Variants in CAMK1D observed in about 807,000 individuals in gnomAD.
CAMK1D encodes calcium/calmodulin-dependent protein kinase type 1D.
Under a neutral mutation model 47.7 loss-of-function variants are expected in CAMK1D, and 9 were observed. The observed-to-expected ratio is 0.19, with a 90% CI of 0.11 to 0.33. The LOEUF (loss-of-function observed/expected upper bound fraction) is 0.33. Ranked by LOEUF, CAMK1D falls within the 10% of genes least tolerant of loss-of-function variation. The pLI is 1.00. For missense variants in CAMK1D, 291 were observed against 488.7 expected, an observed-to-expected ratio of 0.60 and a Z score of 3.81; for synonymous variants, 184 against 184.9, an observed-to-expected ratio of 0.99 and a Z score of 0.04.
intron 1 of CAMK1D, among the ~76,000 whole-genome samples, chr10:12,476,386 T>G (rs903928197): frequency 6.6e-6 from 1 of 151,756 alleles, no homozygotes; most frequent in African/African-American, 2.4e-5. Context: ...GGAGGGTGGG[T>G]TGAGAGACCA....
intron 1 of CAMK1D, among the ~76,000 whole-genome samples, chr10:12,440,043 C>A (rs1157505886): frequency 1.3e-5 from 2 of 152,140 alleles, no homozygotes; most frequent in African/African-American, 4.8e-5. Flanking sequence ...GGGTCCCTCC[C>A]ATAACATGTG....
intron 1 of CAMK1D, among the ~76,000 whole-genome samples, chr10:12,439,838 C>G (rs1293870289): frequency 1.3e-5 from 2 of 152,188 alleles, no homozygotes; most frequent in African/African-American, 4.8e-5. Flanking sequence ...ACTCACAGTT[C>G]CATGTGGCTG....
chr10:12,546,331 C>A (rs192731971), intron 1 of CAMK1D, among the ~76,000 whole-genome samples: 2 of 151,674 alleles, frequency 1.3e-5, no homozygotes, highest in Non-Finnish European at 2.9e-5. Context: ...GTCTTGTCAG[C>A]GGAAAACCTG....
chr10:12,434,156 A>G (rs1241155968), intron 1 of CAMK1D, among the ~76,000 whole-genome samples: 2 of 152,098 alleles, frequency 1.3e-5, no homozygotes, highest in Non-Finnish European at 2.9e-5. Context: ...TTCCTTTTCT[A>G]TTGCTTTCTT....
intron 2 of CAMK1D, among the ~76,000 whole-genome samples, chr10:12,639,879 T>C (rs1031252826): frequency 6.6e-6 from 1 of 152,208 alleles, no homozygotes; most frequent in Non-Finnish European, 1.5e-5. Flanking sequence ...ATTCTTTTTG[T>C]GTCTCTGGAG....
chr10:12,819,948 G>A (rs1247059252), intron 8 of CAMK1D, among the ~76,000 whole-genome samples: 1 of 152,158 alleles, frequency 6.6e-6, no homozygotes, highest in African/African-American at 2.4e-5. Flanking sequence ...GAAGAGAAGG[G>A]TCTAGGATTA....
chr10:12,735,347 G>A (rs1189401587), intron 3 of CAMK1D, among the ~76,000 whole-genome samples: 4 of 152,044 alleles, frequency 2.6e-5, no homozygotes, highest in Admixed American at 2.0e-4. Flanking sequence ...GCGTGGTGGC[G>A]GGCGCCTGTA....
At chr10:12,613,689 A>G (rs2132417906) in intron 2 of CAMK1D, among the ~76,000 whole-genome samples, 1 of 152,262 alleles carries the variant, frequency 6.6e-6, no homozygotes, top group East Asian at 1.9e-4. Flanking sequence ...TATGTTGGCC[A>G]GGCTGGTCTC....
chr10:12,723,806 A>C (rs543055895), intron 3 of CAMK1D, among the ~76,000 whole-genome samples: 1 of 152,098 alleles, frequency 6.6e-6, no homozygotes, highest in East Asian at 1.9e-4. Flanking sequence ...CATGTGCACA[A>C]TGTGCAGGTT....
intron 1 of CAMK1D, among the ~76,000 whole-genome samples, chr10:12,454,028 G>C (rs770188144): frequency 3.0e-4 from 46 of 152,184 alleles, no homozygotes; most frequent in Non-Finnish European, 6.0e-4. Flanking sequence ...CCTTCCCCTG[G>C]TTGGGTCTTG....
At chr10:12,734,345 AATATATATATATATATATATAT>A (rs1212612487) in intron 3 of CAMK1D, among the ~76,000 whole-genome samples, 1 of 8,476 alleles carries the variant, frequency 1.2e-4, no homozygotes, top group African/African-American at 2.9e-4. Context: ...AAAAAAAAAA[AATATATATATATATATATATAT>A]ATATATATAT....
chr10:12,706,753 A>AG (rs1244838286), intron 3 of CAMK1D, among the ~76,000 whole-genome samples: 2 of 152,134 alleles, frequency 1.3e-5, no homozygotes, highest in South Asian at 2.1e-4. Context: ...AAAAAAAAAA[A>AG]AAAGAATGTA....
intron 1 of CAMK1D, among the ~76,000 whole-genome samples, chr10:12,441,845 A>G (rs1295976978): frequency 6.6e-6 from 1 of 152,154 alleles, no homozygotes; most frequent in Non-Finnish European, 1.5e-5. Context: ...CCACAAGGCT[A>G]AACTTACCTT....
chr10:12,484,789 GCC>G (rs1375100692), intron 1 of CAMK1D, among the ~76,000 whole-genome samples: 1 of 130,682 alleles, frequency 7.7e-6, no homozygotes, highest in Non-Finnish European at 1.6e-5. Flanking sequence ...CAGTGGAGAG[GCC>G]ACTCTGCAGC....
At chr10:12,795,679 A>G (rs970013372) in intron 6 of CAMK1D, among the ~76,000 whole-genome samples, 1 of 152,218 alleles carries the variant, frequency 6.6e-6, no homozygotes, top group African/African-American at 2.4e-5. Context: ...TGCACGCCAT[A>G]TAAACATTCC....
intron 2 of CAMK1D, among the ~76,000 whole-genome samples, chr10:12,620,402 C>A (rs927140448): frequency 2.0e-5 from 3 of 152,166 alleles, no homozygotes; most frequent in African/African-American, 7.2e-5. Flanking sequence ...TGTGAGTGAT[C>A]GTTTCTCTGC....
At chr10:12,670,854 T>C (rs1306787037) in intron 3 of CAMK1D, among the ~76,000 whole-genome samples, 1 of 152,106 alleles carries the variant, frequency 6.6e-6, no homozygotes, top group Non-Finnish European at 1.5e-5. Flanking sequence ...CAGCCCGAAA[T>C]GTTTTTTGTT....
intron 3 of CAMK1D, among the ~76,000 whole-genome samples, chr10:12,683,953 G>A (rs899630632): frequency 6.6e-6 from 1 of 152,094 alleles, no homozygotes; most frequent in Non-Finnish European, 1.5e-5. Flanking sequence ...ATGCATGAGT[G>A]CACTCTGAAA....
At chr10:12,458,669 G>A (rs1833332266) in intron 1 of CAMK1D, among the ~76,000 whole-genome samples, 2 of 152,124 alleles carry the variant, frequency 1.3e-5, no homozygotes, top group African/African-American at 2.4e-5. Context: ...CTGGCCTCAA[G>A]CGATCCTCCT....
Sources: allele counts gnomAD v4.1 joint callset (sites outside exome capture counted in the v4.1 genomes callset), GRCh38; gene constraint gnomAD v4.1.1; transcripts MANE v1.5; gene names NCBI Gene and HGNC (gene_info 2026-07-23, HGNC 2026-07-21).